The following STRIP1 variants were observed in gnomAD, a reference collection of about 807,000 sequenced individuals.
STRIP1 encodes striatin interacting protein 1.
In STRIP1, 63 loss-of-function variants were observed where a neutral mutation model predicts 106.2. The observed-to-expected ratio is 0.59, with a 90% confidence interval of 0.48 to 0.73. The LOEUF (loss-of-function observed/expected upper bound fraction) is 0.73, where lower values mean the gene tolerates loss of function less well. Among genes scored for constraint, STRIP1 ranks in the 30% least tolerant of loss-of-function variants. The pLI is 0.00. For missense variants in STRIP1, 857 were observed against 1,074.8 expected, an observed-to-expected ratio of 0.80 and a Z score of 2.83; for synonymous variants, 390 against 413.0, an observed-to-expected ratio of 0.94 and a Z score of 0.67.
At chr1:110,044,936 A>G in intron 11 of STRIP1, 31 bp downstream of exon 11, 1 of 1,613,972 alleles carries the variant, frequency 6.2e-7, no homozygotes. Flanking sequence ...TTTTGCTGTT[A>G]GCTCTCCCGG....
intron 8 of STRIP1, 121 bp from the exon 9 acceptor site, chr1:110,042,967 G>A (rs1189569048): frequency 1.1e-6 from 1 of 931,076 alleles, no homozygotes; most frequent in Non-Finnish European, 1.6e-6. Flanking sequence ...TTCAGGAGTT[G>A]CCTGGGTCTC....
At chr1:110,041,927 A>C (rs1189329364) in intron 8 of STRIP1, 66 bp downstream of exon 8, 1 of 1,501,840 alleles carries the variant, frequency 6.7e-7, no homozygotes, top group African/African-American at 1.4e-5. Context: ...TGTTCCTTGA[A>C]TATCCTTTTG....
upstream of STRIP1, among the ~76,000 whole-genome samples, chr1:110,034,151 T>A (rs986226743): frequency 6.6e-6 from 1 of 152,250 alleles, no homozygotes; most frequent in African/African-American, 2.4e-5. Context: ...AGCACTGTTA[T>A]GTACCGTGAC....
chr1:110,049,830 C>T (rs2101783954), intron 17 of STRIP1: 7 of 370,636 alleles, frequency 1.9e-5, no homozygotes, highest in South Asian at 9.2e-5. Flanking sequence ...CCTGTCCCTT[C>T]TGTACTTTTT....
Position 110,036,707 on chromosome 1 carries a change from A to T in STRIP1, c.181-1184A>T, listed in dbSNP as rs547425604. The stretch of plus-strand genomic sequence containing the variant: ...TAGTCCTTAAAAATCTTCAAAGTAG[A>T]TTTTCATCATTGCCATTCAATGAAT... On this transcript the variant is annotated intron_variant, in intron 1 of 20. Coordinates refer to ENST00000369795, the MANE Select transcript of STRIP1 (RefSeq NM_033088.4). Among the ~76,000 whole-genome samples, 3 of 152,358 alleles carry T rather than the reference A, an allele frequency of 2.0e-5. No individual in the cohort carries two copies. The South Asian group carries it at 6.2e-4, about 32-fold the overall frequency.
In STRIP1 at chr1:110,043,068, C is replaced by T. The variant is rs954174492; in HGVS notation, c.886-20C>T. The T allele has an allele frequency of 2.5e-6, 4 of 1,597,072 alleles. No individual in the cohort carries two copies. The African/African-American group carries it at 5.4e-5, about 21-fold the overall frequency. On this transcript the variant is annotated intron_variant, in intron 8 of 20. Transcript: ENST00000369795. ...TGTGGACACATTGACCCTGGCTCTGCTTCCCTGTCTGTGATGCAGTGCACG... is the reference window on the plus strand; with the variant it reads ...TGTGGACACATTGACCCTGGCTCTGTTTCCCTGTCTGTGATGCAGTGCACG...
intron 2 of STRIP1, 177 bp downstream of exon 2, chr1:110,038,137 A>G (rs994426703): frequency 6.0e-6 from 1 of 166,838 alleles, no homozygotes; most frequent in African/African-American, 2.8e-5. Flanking sequence ...TATTTGATTC[A>G]AGCCTTGTGT....
chr1:110,046,144 A>C (rs1653009153), intron 12 of STRIP1, among the ~76,000 whole-genome samples: 1 of 152,052 alleles, frequency 6.6e-6, no homozygotes, highest in African/African-American at 2.4e-5. Flanking sequence ...CCTTTAATTT[A>C]CTTTTTTCTT....
At chr1:110,049,730 G>A in intron 17 of STRIP1, 170 bp downstream of exon 17, 1 of 586,532 alleles carries the variant, frequency 1.7e-6, no homozygotes, top group South Asian at 2.1e-5. Flanking sequence ...AGCCCACTGT[G>A]TCAAATCTGA....
chr1:110,032,560 T>A (rs1456350865), upstream of STRIP1, among the ~76,000 whole-genome samples: 3 of 152,202 alleles, frequency 2.0e-5, no homozygotes, highest in African/African-American at 7.2e-5. Flanking sequence ...ACTTGATGTG[T>A]CCAAAACTGA....
In STRIP1 at chr1:110,039,230, G is replaced by C; in HGVS notation, c.384G>C (p.Arg128Ser). 1 of 1,614,212 alleles carries C rather than the reference G, an allele frequency of 6.2e-7. No individual in the cohort carries two copies. The highest frequency in any genetic ancestry group is 8.5e-7 in the Non-Finnish European group (1 of 1,180,036). The stretch of plus-strand genomic sequence containing the variant: ...ACCAGCACCGGACCCATGCCATGAG[G>C]CTCCTGGATGGCTTGGAAGTCACTG... ...DTNQHRTHAM[R>S]LLDGLEVTAR... The change falls in exon 4 of 21, where the codon AGG becomes AGC. Residue 128 changes from arginine to serine, a missense_variant. Physicochemically the swap from Arg to Ser is moderately radical, Grantham distance 110. Around this residue, in one of 2 missense-constraint regions of STRIP1, gnomAD observed 750 missense variants for 989.8 expected, o/e 0.76. Transcript: ENST00000369795.
intron 20 of STRIP1, among the ~76,000 whole-genome samples, chr1:110,052,911 C>T (rs765254447): frequency 3.9e-5 from 6 of 152,234 alleles, no homozygotes; most frequent in Non-Finnish European, 5.9e-5. Flanking sequence ...TGTTACCTCC[C>T]TGAGTAAAAT....
intron 18 of STRIP1, among the ~76,000 whole-genome samples, 188 bp downstream of exon 18, chr1:110,050,597 T>G (rs539496462): frequency 6.6e-6 from 1 of 152,198 alleles, no homozygotes; most frequent in Non-Finnish European, 1.5e-5. Context: ...GCAGAGAGAT[T>G]TGGATTTAGG....
In STRIP1 at chr1:110,051,903, C is replaced by T; in HGVS notation, c.2266+16C>T. On this transcript the variant is annotated intron_variant, in intron 20 of 20. Coordinates refer to ENST00000369795, the MANE Select transcript of STRIP1 (RefSeq NM_033088.4). The stretch of plus-strand genomic sequence containing the variant: ...TACGGCAATGGTGAGACTCTGCACT[C>T]AGCCAGATTTGGGTGGGAGTGTGTC... 9 of 1,610,862 alleles carry T rather than the reference C, an allele frequency of 5.6e-6. No homozygotes were observed. The highest frequency in any genetic ancestry group is 1.1e-5 in the South Asian group (1 of 90,946).
chr1:110,041,710 C>G (rs1652770869), intron 7 of STRIP1, 24 bp from the exon 8 acceptor site: 2 of 1,613,996 alleles, frequency 1.2e-6, no homozygotes, highest in Admixed American at 1.7e-5. Flanking sequence ...TGGGAGGGTC[C>G]TGATACCTTT....
chr1:110,046,575 A>G (rs890708224), intron 12 of STRIP1, 105 bp from the exon 13 acceptor site: 4 of 974,778 alleles, frequency 4.1e-6, no homozygotes, highest in Non-Finnish European at 6.6e-6. Flanking sequence ...ATCCTCTTTC[A>G]GAAGACTGTG....
rs563470811 is a variant in STRIP1 at position 110,040,474 on chromosome 1, G to A, written c.582-161G>A. ...TGGGATTACAGGCATGAGCCACCATGCCCAGCCATGGTCTGGTTTCTTAAC... is the reference window on the plus strand; with the variant it reads ...TGGGATTACAGGCATGAGCCACCATACCCAGCCATGGTCTGGTTTCTTAAC... On this transcript the variant is annotated intron_variant, in intron 5 of 20. Transcript: ENST00000369795. Among the ~76,000 whole-genome samples the A allele has an allele frequency of 2.6e-5, 4 of 152,332 alleles. No homozygotes were observed. In the East Asian group the frequency reaches 7.7e-4, roughly 29 times the overall value.
intron 3 of STRIP1, 26 bp from the exon 4 acceptor site, chr1:110,039,146 G>C: frequency 1.2e-6 from 2 of 1,612,702 alleles, no homozygotes; most frequent in East Asian, 2.2e-5. Flanking sequence ...TCTAGGCTCA[G>C]GTGTAACTGG....
At chr1:110,049,943 C>T in intron 17 of STRIP1, 1 of 318,702 alleles carries the variant, frequency 3.1e-6, no homozygotes, top group Non-Finnish European at 5.8e-6. Flanking sequence ...CTGCTGTTGG[C>T]CTGGTGCCAG....
Sources: allele counts gnomAD v4.1 joint callset (sites outside exome capture counted in the v4.1 genomes callset), GRCh38; gene constraint gnomAD v4.1.1; regional missense constraint gnomAD v4.1.1; transcripts MANE v1.5; gene names NCBI Gene and HGNC (gene_info 2026-07-23, HGNC 2026-07-21).